Variants in TENM2 observed in about 807,000 individuals in gnomAD.
TENM2 encodes teneurin transmembrane protein 2.
In TENM2, 52 loss-of-function variants were observed where a neutral mutation model predicts 245.2. That is an observed-to-expected ratio of 0.21 (90% CI 0.17 to 0.27). The LOEUF is 0.27. TENM2 is among the 10% of genes least tolerant of loss of function. The pLI, the probability that TENM2 is intolerant of heterozygous loss-of-function variation, is 1.00. For missense variants in TENM2, 3,046 were observed against 3,666.8 expected, an observed-to-expected ratio of 0.83 and a Z score of 4.37; for synonymous variants, 1,363 against 1,438.9, an observed-to-expected ratio of 0.95 and a Z score of 1.19.
At chr5:167,440,886 C>T (rs949963069) in intron 2 of TENM2, among the ~76,000 whole-genome samples, 1 of 139,090 alleles carries the variant, frequency 7.2e-6, no homozygotes, top group African/African-American at 2.6e-5. Flanking sequence ...GGCAGCGCAG[C>T]ACTGTTTGGT....
intron 25 of TENM2, among the ~76,000 whole-genome samples, chr5:168,240,367 C>T (rs1765972651): frequency 6.6e-6 from 1 of 152,166 alleles, no homozygotes; most frequent in Non-Finnish European, 1.5e-5. Context: ...AGTCCAACAC[C>T]CCTCAATCCT....
At chr5:167,021,963 T>A in the TENM2 span, among the ~76,000 whole-genome samples, 1 of 152,202 alleles carries the variant, frequency 6.6e-6, no homozygotes, top group Non-Finnish European at 1.5e-5. Flanking sequence ...CCTAACCCAT[T>A]GTATATATTA....
At chr5:167,034,091 C>T in the TENM2 span, among the ~76,000 whole-genome samples, 1 of 152,046 alleles carries the variant, frequency 6.6e-6, no homozygotes, top group Non-Finnish European at 1.5e-5. Context: ...CATAAATGTA[C>T]CTTAATTTTT....
the TENM2 span, among the ~76,000 whole-genome samples, chr5:167,092,654 A>G: frequency 6.6e-6 from 1 of 152,166 alleles, no homozygotes; most frequent in Non-Finnish European, 1.5e-5. Flanking sequence ...ACCTAGAGAA[A>G]AGACTTGTCC....
the TENM2 span, among the ~76,000 whole-genome samples, chr5:167,033,160 T>G: frequency 6.6e-6 from 1 of 152,208 alleles, no homozygotes; most frequent in Non-Finnish European, 1.5e-5. Context: ...TGCAGGTTAG[T>G]AATATCTGCA....
chr5:168,065,941 A>C (rs190354672), intron 7 of TENM2, among the ~76,000 whole-genome samples: 87 of 151,672 alleles, frequency 5.7e-4, no homozygotes, highest in Admixed American at 1.9e-3. Context: ...CCCTGGAAAC[A>C]TTTTACAACG....
chr5:167,193,420 T>G, the TENM2 span, among the ~76,000 whole-genome samples: 1 of 151,762 alleles, frequency 6.6e-6, no homozygotes, highest in Non-Finnish European at 1.5e-5. Flanking sequence ...CAGCTCACTT[T>G]AAGTGGAGAC....
chr5:168,207,461 G>A (rs191484788), intron 19 of TENM2, among the ~76,000 whole-genome samples: 42 of 152,284 alleles, frequency 2.8e-4, no homozygotes, highest in Admixed American at 1.6e-3. Context: ...CTCGACAGCC[G>A]TGTGATTCTT....
chr5:167,919,841 C>A (rs900287699), intron 3 of TENM2, among the ~76,000 whole-genome samples: 12 of 152,198 alleles, frequency 7.9e-5, no homozygotes, highest in African/African-American at 2.9e-4. Flanking sequence ...GACGGGATCA[C>A]AACTATTATG....
At chr5:167,645,401 A>C (rs1315145571) in intron 2 of TENM2, among the ~76,000 whole-genome samples, 1 of 152,116 alleles carries the variant, frequency 6.6e-6, no homozygotes, top group Non-Finnish European at 1.5e-5. Flanking sequence ...TGGAGGAGGA[A>C]AGGTGTGGAG....
chr5:168,221,523 G>T (rs188176806), intron 23 of TENM2, among the ~76,000 whole-genome samples: 61 of 152,256 alleles, frequency 4.0e-4, no homozygotes, highest in African/African-American at 1.4e-3. Flanking sequence ...ACTCCACATG[G>T]GAACTGTCCC....
intron 27 of TENM2, among the ~76,000 whole-genome samples, chr5:168,256,216 C>CTATA (rs1266920437): frequency 2.0e-5 from 3 of 150,850 alleles, no homozygotes; most frequent in African/African-American, 7.4e-5. Flanking sequence ...ATATATATGT[C>CTATA]TATATGTATA....
At chr5:167,533,044 T>A (rs941731863) in intron 2 of TENM2, among the ~76,000 whole-genome samples, 1 of 152,114 alleles carries the variant, frequency 6.6e-6, no homozygotes, top group African/African-American at 2.4e-5. Flanking sequence ...TGACCTGATT[T>A]GGATGATTCA....
At chr5:168,022,068 T>C (rs1191862996) in intron 5 of TENM2, among the ~76,000 whole-genome samples, 1 of 152,230 alleles carries the variant, frequency 6.6e-6, no homozygotes, top group African/African-American at 2.4e-5. Flanking sequence ...TAGGAATCTT[T>C]CTCATTTTAA....
chr5:167,705,284 A>T (rs1387472505), intron 2 of TENM2, among the ~76,000 whole-genome samples: 1 of 152,194 alleles, frequency 6.6e-6, no homozygotes, highest in Non-Finnish European at 1.5e-5. Context: ...TATTATCAAC[A>T]TATAACCAGC....
intron 2 of TENM2, among the ~76,000 whole-genome samples, chr5:167,837,595 A>C (rs1375856945): frequency 6.6e-6 from 1 of 152,244 alleles, no homozygotes; most frequent in African/African-American, 2.4e-5. Flanking sequence ...ATAGGTATAC[A>C]TTGTGAATGG....
chr5:167,523,950 G>A (rs764758852), intron 2 of TENM2, among the ~76,000 whole-genome samples: 14 of 152,108 alleles, frequency 9.2e-5, no homozygotes, highest in Admixed American at 3.3e-4. Context: ...ATTCAAAGTC[G>A]TAAATGTGGT....
At chr5:167,498,783 AT>A (rs1345243281) in intron 2 of TENM2, among the ~76,000 whole-genome samples, 9 of 152,148 alleles carry the variant, frequency 5.9e-5, no homozygotes, top group Admixed American at 5.9e-4. Flanking sequence ...TTTATTTCAA[AT>A]TTTCAAATGT....
At position 167,761,329 on chromosome 5, in the gene TENM2, G is replaced by A. The variant is rs111751057; in HGVS notation, c.503-114657G>A. Among the ~76,000 whole-genome samples, 1,141 of 152,132 alleles carry A rather than the reference G, an allele frequency of 7.5e-3. 13 individuals are homozygous for A. Among genetic ancestry groups the A allele is most frequent in the African/African-American group, 0.025 (1,018 of 41,488 alleles). ...TATAAGCTCAACCAGGGCAGGAAAC[G>A]TGTTTGTGTTATTCACTGATCTACC... On this transcript the variant is annotated intron_variant, in intron 2 of 28. Transcript: ENST00000518659.
Sources: gnomAD v4.1 joint callset for allele counts (sites outside exome capture counted in the v4.1 genomes callset) on GRCh38, gnomAD v4.1.1 for gene constraint, MANE v1.5 for transcripts, NCBI Gene and HGNC (gene_info 2026-07-23, HGNC 2026-07-21) for gene names.